Variants in FRMD4B observed in about 807,000 individuals in gnomAD.
FRMD4B encodes FERM domain-containing protein 4B.
Under a neutral mutation model 141.5 loss-of-function variants are expected in FRMD4B, and 74 were observed. The ratio of observed to expected loss-of-function variants is 0.52; its 90% confidence interval spans 0.43 to 0.63. The LOEUF is 0.63. FRMD4B is among the 30% of genes least tolerant of loss of function. FRMD4B has a pLI of 0.00. For synonymous variants in FRMD4B, 506 were observed against 467.9 expected (o/e 1.08, Z -1.05); for missense variants, 1,366 against 1,253.4 (o/e 1.09, Z -1.36).
chr3:69,265,426 C>CTTTATTTATT (rs1333852252), intron 5 of FRMD4B, among the ~76,000 whole-genome samples: 1 of 143,808 alleles, frequency 7.0e-6, no homozygotes, highest in Non-Finnish European at 1.5e-5. Flanking sequence ...GGCTAGATGG[C>CTTTATTTATT]TAGGTGGCAC....
chr3:69,496,892 T>C (rs1436058681), intron 1 of FRMD4B, among the ~76,000 whole-genome samples: 1 of 99,344 alleles, frequency 1.0e-5, no homozygotes, highest in Non-Finnish European at 1.9e-5. Flanking sequence ...CTATTTGCTA[T>C]GGTAGTTTTT....
intron 1 of FRMD4B, among the ~76,000 whole-genome samples, chr3:69,520,157 A>G (rs56366652): frequency 1.4e-4 from 16 of 112,660 alleles, no homozygotes; most frequent in Non-Finnish European, 2.7e-4. Flanking sequence ...ATATGATGGA[A>G]TATATATATA....
chr3:69,536,247 C>A (rs922455815), intron 1 of FRMD4B: 16 of 608,156 alleles, frequency 2.6e-5, no homozygotes, highest in African/African-American at 1.9e-5. Context: ...TTCCCCTTGG[C>A]CTTTTCCGCT....
chr3:69,174,142 GAA>G (rs5849878), intron 22 of FRMD4B, among the ~76,000 whole-genome samples: 13,914 of 142,712 alleles, frequency 0.097, 1,657 homozygotes, highest in East Asian at 0.28. Flanking sequence ...GTCTTGGGAA[GAA>G]AAAAAAAAAA....
chr3:69,390,609 C>T (rs971990993), upstream of FRMD4B, among the ~76,000 whole-genome samples: 1 of 152,036 alleles, frequency 6.6e-6, no homozygotes, highest in African/African-American at 2.4e-5. Flanking sequence ...ATGCTACACC[C>T]TGGCCAGGCA....
intron 1 of FRMD4B, among the ~76,000 whole-genome samples, chr3:69,384,433 A>T (rs1045134596): frequency 2.0e-5 from 3 of 152,358 alleles, no homozygotes; most frequent in Admixed American, 6.5e-5. Flanking sequence ...AAACAAAATT[A>T]CATAAGGGGC....
At chr3:69,243,435 G>C (rs1053308313) in intron 7 of FRMD4B, among the ~76,000 whole-genome samples, 4 of 152,232 alleles carry the variant, frequency 2.6e-5, no homozygotes, top group Admixed American at 6.5e-5. Flanking sequence ...ATGCACAGCA[G>C]AGAATGGGAG....
rs3032130 is a variant in FRMD4B at position 69,263,817 on chromosome 3, CTTTTTTTTTTTTTTT to C, written c.502-13733_502-13719del. Among the ~76,000 whole-genome samples, 3 of 68,558 alleles carry C rather than the reference CTTTTTTTTTTTTTTT, an allele frequency of 4.4e-5. No homozygotes were observed. In the Admixed American group the frequency reaches 7.8e-4, roughly 18 times the overall value. 45.0% of individuals were successfully genotyped at this position (68,558 alleles called of 152,430 possible). On this transcript the variant is annotated intron_variant, in intron 5 of 22. Transcript: ENST00000398540. ...ATCTGACTGAATGGCAACCCCATTC[CTTTTTTTTTTTTTTT>C]TTTTTTTTTTGAGACAGAGTCTCGC...
chr3:69,280,871 G>C (rs2093641606), intron 5 of FRMD4B, among the ~76,000 whole-genome samples: 1 of 151,948 alleles, frequency 6.6e-6, no homozygotes, highest in Non-Finnish European at 1.5e-5. Context: ...TGCCCACCCT[G>C]GCCTCCCGAA....
At chr3:69,281,934 A>G (rs1353592058) in intron 5 of FRMD4B, among the ~76,000 whole-genome samples, 1 of 151,970 alleles carries the variant, frequency 6.6e-6, no homozygotes, top group Non-Finnish European at 1.5e-5. Context: ...CTCAGAAACG[A>G]GGCACAATTG....
chr3:69,221,885 C>G lies in FRMD4B; in HGVS notation c.704G>C (p.Gly235Ala). 6.4e-7 allele frequency: 1 copy of G among 1,573,892 alleles called. No individual in the cohort carries two copies. The highest frequency in any genetic ancestry group is 8.7e-7 in the Non-Finnish European group (1 of 1,148,704). The change falls in exon 9 of 23, where the codon GGT (glycine) becomes GCT (alanine). Residue 235 changes from glycine (G) to alanine (A), a missense_variant. Physicochemically the swap from Gly to Ala is moderately conservative, Grantham distance 60. Coordinates refer to ENST00000398540, the MANE Select transcript of FRMD4B (RefSeq NM_015123.3). The part of the protein sequence containing the change: ...RVIEHYLKIK[G>A]LTRGQAVVQY... ...AACCACAGCTTGACCTCGAGTGAGA[C>G]CTTTGATTTTCAAATAATGCTCAAT...
At chr3:69,185,023 A>G (rs549619815) in intron 19 of FRMD4B, among the ~76,000 whole-genome samples, 1 of 152,220 alleles carries the variant, frequency 6.6e-6, no homozygotes, top group African/African-American at 2.4e-5. Context: ...TAACAATGTG[A>G]CCTGGCGCGG....
intron 1 of FRMD4B, among the ~76,000 whole-genome samples, chr3:69,448,509 C>T (rs1705444369): frequency 6.6e-6 from 1 of 152,144 alleles, no homozygotes; most frequent in South Asian, 2.1e-4. Context: ...CCAGTTGCTC[C>T]ATATCCTCAC....
At position 69,195,249 on chromosome 3, in the gene FRMD4B, C is replaced by A. The variant is rs1365228214; in HGVS notation, c.1350G>T (p.Lys450Asn). Residue 450 changes from lysine to asparagine, a missense_variant, in exon 15 of 23, where the codon AAG becomes AAT. By Grantham distance (94) the Lys-to-Asn change is moderately conservative. Transcript: ENST00000398540. ...GACTCACAGCCTCCCGCAGACAGAT[C>A]TTCTTAAGCTCCTCAACTTTTTTCA... ...KLLKKVEELK[K>N]ICLREAELTG... 7 of 1,612,780 alleles carry A rather than the reference C, an allele frequency of 4.3e-6. No individual in the cohort carries two copies. In the East Asian group the frequency reaches 1.6e-4, roughly 36 times the overall value.
At chr3:69,327,343 T>G (rs927317359) in intron 1 of FRMD4B, among the ~76,000 whole-genome samples, 8 of 152,226 alleles carry the variant, frequency 5.3e-5, no homozygotes, top group Non-Finnish European at 1.0e-4. Context: ...GTACTTGTAA[T>G]TTAAAGATAT....
chr3:69,349,972 A>G (rs1389499704), intron 1 of FRMD4B, among the ~76,000 whole-genome samples: 2 of 152,224 alleles, frequency 1.3e-5, no homozygotes, highest in Non-Finnish European at 2.9e-5. Flanking sequence ...AAATTGACAA[A>G]TGGGGTCTAA....
intron 1 of FRMD4B, among the ~76,000 whole-genome samples, chr3:69,319,196 T>G (rs1224632567): frequency 6.6e-6 from 1 of 152,212 alleles, no homozygotes. Flanking sequence ...CTAATGCAGT[T>G]ATACTCTGGA....
chr3:69,389,049 T>G (rs1293934425), upstream of FRMD4B, among the ~76,000 whole-genome samples: 1 of 150,704 alleles, frequency 6.6e-6, no homozygotes, highest in Non-Finnish European at 1.5e-5. Context: ...TTTTTTTTTT[T>G]TTGAAACGTA....
In FRMD4B at chr3:69,386,018, T is replaced by G; in HGVS notation, c.-29A>C. ...TCCTCCTTCGCTCTGAACCCGGGCG[T>G]CCCGGCTCTCGTACGTGCAGCCCCG... On this transcript the variant is annotated 5_prime_UTR_variant, in exon 1 of 23. Transcript: ENST00000398540. 6.5e-7 allele frequency: 1 copy of G among 1,536,976 alleles called. No homozygotes were observed. Among genetic ancestry groups the G allele is most frequent in the Non-Finnish European group, 8.8e-7 (1 of 1,134,712 alleles).
Sources: allele counts gnomAD v4.1 joint callset (sites outside exome capture counted in the v4.1 genomes callset), GRCh38; gene constraint gnomAD v4.1.1; transcripts MANE v1.5; gene names NCBI Gene and HGNC (gene_info 2026-07-23, HGNC 2026-07-21).